IQCM: variants seen among roughly 807,000 people sequenced by gnomAD.
IQCM encodes the protein IQ motif containing M.
Under a neutral mutation model 57.6 loss-of-function variants are expected in IQCM, and 45 were observed. The observed-to-expected ratio is 0.78, with a 90% CI of 0.62 to 1.00. The LOEUF is 1.00. Ranked by LOEUF, IQCM falls within the 50% of genes least tolerant of loss-of-function variation. The probability of loss-of-function intolerance (pLI) is 0.00; values close to 1 mark genes in which losing one functional copy is unlikely to be tolerated. For synonymous variants in IQCM, 148 were observed against 158.9 expected, an observed-to-expected ratio of 0.93 and a Z score of 0.51; for missense variants, 468 against 511.6, an observed-to-expected ratio of 0.91 and a Z score of 0.82.
chr4:149,587,951 G>T lies in IQCM; in HGVS notation c.728C>A (p.Pro243Gln). 8.2e-7 allele frequency: 1 copy of T among 1,225,258 alleles called. No homozygotes were observed. The highest frequency in any genetic ancestry group is 1.0e-6 in the Non-Finnish European group (1 of 982,370). The allele number at this position is 1,225,258 out of a possible 1,614,324, so 75.9% of individuals were successfully genotyped here. Residue 243 changes from proline to glutamine, a missense_variant, in exon 9 of 14, where the codon CCA (proline) becomes CAA (glutamine). By Grantham distance (76) the Pro-to-Gln change is moderately conservative. Transcript: ENST00000636793. ...LIKKERQPIK[P>Q]EPKSQPRIKG... ...ATACCTGGGTTGTGATTTTGGTTCT[G>T]GCTTGATAGGTTGTCGCTCCTTTTT...
intron 5 of IQCM, among the ~76,000 whole-genome samples, chr4:149,706,086 A>C (rs937920538): frequency 6.6e-6 from 1 of 151,944 alleles, no homozygotes; most frequent in Non-Finnish European, 1.5e-5. Context: ...TTTTTTAAAA[A>C]AGTTTCAAGA....
chr4:149,752,501 G>A (rs568709060), intron 2 of IQCM, among the ~76,000 whole-genome samples: 30 of 148,382 alleles, frequency 2.0e-4, no homozygotes, highest in Admixed American at 7.4e-4. Flanking sequence ...CTAGTGAGCC[G>A]AGATCACACC....
intron 12 of IQCM, among the ~76,000 whole-genome samples, chr4:149,458,820 A>G (rs879561495): frequency 2.0e-5 from 3 of 152,170 alleles, no homozygotes; most frequent in African/African-American, 4.8e-5. Context: ...TATAATCTAT[A>G]AAAACTATTT....
chr4:149,557,940 A>T (rs1484750856), intron 10 of IQCM, among the ~76,000 whole-genome samples: 2 of 152,196 alleles, frequency 1.3e-5, no homozygotes, highest in Admixed American at 6.5e-5. Flanking sequence ...GCCTCAATTT[A>T]TCTACTGCAG....
chr4:149,395,309 C>G (rs928321221), intron 13 of IQCM, among the ~76,000 whole-genome samples: 13 of 152,112 alleles, frequency 8.5e-5, no homozygotes, highest in Admixed American at 6.6e-4. Context: ...TGTTTTAAAA[C>G]TAAGAAGTGC....
chr4:149,506,238 T>A (rs1743801664), intron 12 of IQCM, among the ~76,000 whole-genome samples: 1 of 152,184 alleles, frequency 6.6e-6, no homozygotes. Context: ...CACAGTTATT[T>A]TCTGGATGGA....
chr4:149,726,962 G>A (rs113638989), intron 5 of IQCM, among the ~76,000 whole-genome samples: 5,923 of 152,072 alleles, frequency 0.039, 168 homozygotes, highest in South Asian at 0.13. Flanking sequence ...CACCATGTTA[G>A]CCAGGCTGAT....
intron 9 of IQCM, among the ~76,000 whole-genome samples, chr4:149,568,321 G>A (rs1750826717): frequency 6.6e-6 from 1 of 152,062 alleles, no homozygotes; most frequent in Non-Finnish European, 1.5e-5. Flanking sequence ...CCACCTCAGG[G>A]TCATGTCTTT....
At chr4:149,485,527 T>C (rs1411264577) in intron 12 of IQCM, among the ~76,000 whole-genome samples, 1 of 151,956 alleles carries the variant, frequency 6.6e-6, no homozygotes, top group Admixed American at 6.6e-5. Context: ...TGCATGTCAA[T>C]TCCATTTACC....
At chr4:149,460,090 G>C (rs1738114522) in intron 12 of IQCM, among the ~76,000 whole-genome samples, 1 of 152,108 alleles carries the variant, frequency 6.6e-6, no homozygotes. Context: ...TTTGTCTCCT[G>C]TGTTTTTTGG....
At chr4:149,418,179 T>C (rs113505652) in intron 13 of IQCM, among the ~76,000 whole-genome samples, 1 of 147,466 alleles carries the variant, frequency 6.8e-6, no homozygotes, top group Non-Finnish European at 1.5e-5. Context: ...GTTTTTTTTT[T>C]AATTAATAAA....
intron 5 of IQCM, among the ~76,000 whole-genome samples, chr4:149,687,330 C>A (rs1027113834): frequency 4.0e-5 from 6 of 151,372 alleles, no homozygotes; most frequent in African/African-American, 9.7e-5. Flanking sequence ...TAACTACAGT[C>A]GGCCTTCGGT....
At chr4:149,659,513 G>T (rs184183544) in intron 7 of IQCM, among the ~76,000 whole-genome samples, 10 of 152,090 alleles carry the variant, frequency 6.6e-5, no homozygotes, top group Non-Finnish European at 1.2e-4. Context: ...AAAAGAGCCC[G>T]CATCGCCAAG....
chr4:149,806,438 C>T (rs1774085855), intron 2 of IQCM, among the ~76,000 whole-genome samples: 1 of 151,880 alleles, frequency 6.6e-6, no homozygotes, highest in Admixed American at 6.6e-5. Flanking sequence ...TCCTATGTAA[C>T]TGTATTTTTG....
chr4:149,369,172 G>A (rs1228058401), intron 13 of IQCM, among the ~76,000 whole-genome samples: 2 of 150,614 alleles, frequency 1.3e-5, no homozygotes, highest in Non-Finnish European at 1.5e-5. Context: ...AGCCTCCCGA[G>A]TAGCTGGGAT....
At chr4:149,464,620 C>T (rs903053122) in intron 12 of IQCM, among the ~76,000 whole-genome samples, 1 of 152,050 alleles carries the variant, frequency 6.6e-6, no homozygotes, top group South Asian at 2.1e-4. Flanking sequence ...TTTGACGGGA[C>T]CTTTTGAGAC....
At chr4:149,676,526 G>C (rs1169459885) in intron 7 of IQCM, among the ~76,000 whole-genome samples, 1 of 152,010 alleles carries the variant, frequency 6.6e-6, no homozygotes, top group Non-Finnish European at 1.5e-5. Flanking sequence ...CTTTGAGGTT[G>C]GAATTGGTAT....
intron 9 of IQCM, among the ~76,000 whole-genome samples, chr4:149,584,560 A>G (rs1010149848): frequency 6.6e-6 from 1 of 151,742 alleles, no homozygotes; most frequent in Non-Finnish European, 1.5e-5. Flanking sequence ...CAGTCTTTTC[A>G]ACCCAGTAAA....
intron 2 of IQCM, among the ~76,000 whole-genome samples, chr4:149,792,576 C>T (rs1251931004): frequency 6.6e-6 from 1 of 151,984 alleles, no homozygotes; most frequent in Non-Finnish European, 1.5e-5. Flanking sequence ...ATTTTCTGTC[C>T]AGTCATTTCC....
Sources: gnomAD v4.1 joint callset for allele counts (sites outside exome capture counted in the v4.1 genomes callset) on GRCh38, gnomAD v4.1.1 for gene constraint, MANE v1.5 for transcripts, NCBI Gene and HGNC (gene_info 2026-07-23, HGNC 2026-07-21) for gene names.